LRRC9: variants seen among roughly 807,000 people sequenced by gnomAD.
LRRC9 encodes the protein leucine-rich repeat-containing protein 9.
In LRRC9, 122 loss-of-function variants were observed where a neutral mutation model predicts 63.2. The ratio of observed to expected loss-of-function variants is 1.93; its 90% CI spans 1.67 to 2.24. The LOEUF (loss-of-function observed/expected upper bound fraction) is 2.24, where lower values mean the gene tolerates loss of function less well. Ranked by LOEUF, LRRC9 falls within the 30% of genes most tolerant of loss-of-function variation. LRRC9 has a pLI of 0.00. For synonymous variants in LRRC9, 366 were observed against 213.1 expected, an observed-to-expected ratio of 1.72 and a Z score of -6.25; for missense variants, 1,071 against 627.7, an observed-to-expected ratio of 1.71 and a Z score of -7.55.
In LRRC9 at chr14:59,936,734, A is replaced by G. The variant is rs1890169509; in HGVS notation, c.544-1656A>G. Among the ~76,000 whole-genome samples the G allele has an allele frequency of 6.6e-6, 1 of 152,200 alleles. No individual in the cohort carries two copies. Among genetic ancestry groups the G allele is most frequent in the Admixed American group, 6.6e-5 (1 of 15,262 alleles). ...AACTCTGCTTAGTCCTCCTCCCTGC[A>G]TAGGCTCAGCCCAAGCCTCAGGTCA... On this transcript the variant is annotated intron_variant, in intron 6 of 31. Transcript: ENST00000445360. The surrounding 1 kb of genome is among the most constrained non-coding windows in gnomAD (Gnocchi z 4.2).
At chr14:60,062,036 T>C (rs1299685136) in intron 31 of LRRC9, 1 of 398,720 alleles carries the variant, frequency 2.5e-6, no homozygotes. Context: ...ATGCTGGGAT[T>C]CTGACAAATA....
Position 59,942,802 on chromosome 14 carries a change from A to G in LRRC9, c.727-1787A>G, listed in dbSNP as rs1443874323. ...TCTTTTTTTTTTCTGTCTTTTTGAT[A>G]ATAGCCATTCTAACTAGGTGAGATT... On this transcript the variant is annotated intron_variant, in intron 7 of 31. Transcript: ENST00000445360. The surrounding 1 kb of genome is among the most constrained non-coding windows in gnomAD (Gnocchi z 5.3). 6.6e-6 allele frequency among the ~76,000 whole-genome samples: 1 copy of G among 151,764 alleles called. No individual in the cohort carries two copies.
At chr14:59,999,885 C>G (rs1231270719) in intron 19 of LRRC9, among the ~76,000 whole-genome samples, 1 of 151,886 alleles carries the variant, frequency 6.6e-6, no homozygotes, top group Non-Finnish European at 1.5e-5. Flanking sequence ...TGGGAATTTA[C>G]CCTAAGAAAA....
In LRRC9 at chr14:59,990,708, C is replaced by A. The variant is rs1001098908; in HGVS notation, c.2211+5484C>A. Among the ~76,000 whole-genome samples the A allele has an allele frequency of 2.0e-5, 3 of 152,160 alleles. No individual in the cohort carries two copies. The highest frequency in any genetic ancestry group is 4.4e-5 in the Non-Finnish European group (3 of 68,030). Reference sequence around the variant, plus strand: ...ATTACAGGAGCCACTGTACCAGGCCCCTTCAGACCTTTTTACTGTGGATCC... The same window carrying A: ...ATTACAGGAGCCACTGTACCAGGCCACTTCAGACCTTTTTACTGTGGATCC... On this transcript the variant is annotated intron_variant, in intron 17 of 31. Coordinates refer to ENST00000445360, the Ensembl canonical transcript of LRRC9. This position sits in a 1 kb window ranked among gnomAD's most constrained non-coding sequence, Gnocchi z 4.2.
rs898369920 is a variant in LRRC9 at position 60,055,759 on chromosome 14, G to A, written c.4132-2119G>A. 1.0e-4 allele frequency among the ~76,000 whole-genome samples: 15 copies of A among 149,554 alleles called. 1 individual carries two copies. Among genetic ancestry groups the A allele is most frequent in the Admixed American group, 6.7e-4 (10 of 15,018 alleles). ...AAAAAAAAAAAAACAAAAAAAACTA[G>A]CCAGGCATGATGGCACATGCCTGTA... On this transcript the variant is annotated intron_variant, in intron 30 of 31. Coordinates refer to ENST00000445360, the Ensembl canonical transcript of LRRC9.
chr14:60,032,233 T>A (rs1459328440), intron 29 of LRRC9, among the ~76,000 whole-genome samples, 170 bp downstream of exon 29: 1 of 152,144 alleles, frequency 6.6e-6, no homozygotes. Flanking sequence ...AAACTGTTAT[T>A]GTCATGTATA....
intron 12 of LRRC9, among the ~76,000 whole-genome samples, chr14:59,971,239 A>G (rs1885460209): frequency 6.6e-6 from 1 of 152,058 alleles, no homozygotes; most frequent in Non-Finnish European, 1.5e-5. Context: ...AAATGGTTGT[A>G]GGTGTGCAAC....
chr14:60,010,238 C>A (rs1354842151), intron 23 of LRRC9, among the ~76,000 whole-genome samples: 2 of 152,212 alleles, frequency 1.3e-5, no homozygotes, highest in Non-Finnish European at 2.9e-5. Context: ...TTTCCATACA[C>A]CCACTGAAAT....
chr14:60,053,270 T>C lies in LRRC9; in HGVS notation c.4131+65T>C, dbSNP rs1207077953. The C allele has an allele frequency of 7.9e-5, 51 of 649,348 alleles. No individual in the cohort carries two copies. The highest frequency in any genetic ancestry group is 1.2e-4 in the Non-Finnish European group (44 of 359,148). 40.2% of individuals were successfully genotyped at this position (649,348 alleles called of 1,614,324 possible). ...ATTAATGGTTAGTAAATGAACATTA[T>C]ATCTTTTGATTTAAATGTTTAAACC... is the stretch of plus-strand genomic sequence containing the variant. On this transcript the variant is annotated intron_variant, in intron 30 of 31. Transcript: ENST00000445360. The surrounding 1 kb of genome is among the most constrained non-coding windows in gnomAD (Gnocchi z 4.8).
At chr14:59,985,033 C>T (rs1594942453) in intron 16 of LRRC9, 72 bp from the exon 17 acceptor site, 4 of 484,448 alleles carry the variant, frequency 8.3e-6, no homozygotes, top group South Asian at 7.9e-5. Context: ...AAACATTTTA[C>T]ATATCCACAC....
chr14:59,921,914 T>C (rs936420891), intron 1 of LRRC9, among the ~76,000 whole-genome samples: 2 of 151,762 alleles, frequency 1.3e-5, no homozygotes, highest in African/African-American at 4.8e-5. Flanking sequence ...TGAAACCCTG[T>C]CTCTACTAAA....
At position 59,937,124 on chromosome 14, in the gene LRRC9, G is replaced by A. The variant is rs1890196689; in HGVS notation, c.544-1266G>A. Among the ~76,000 whole-genome samples the A allele has an allele frequency of 4.3e-5, 6 of 138,466 alleles. No individual in the cohort carries two copies. In the Admixed American group the frequency reaches 4.8e-4, roughly 11 times the overall value. The allele number at this position is 138,466 out of a possible 152,430, so 90.8% of individuals were successfully genotyped here. On this transcript the variant is annotated intron_variant, in intron 6 of 31. Coordinates refer to ENST00000445360, the Ensembl canonical transcript of LRRC9. The stretch of plus-strand genomic sequence containing the variant: ...CTGTGTTCTAAGTGCTGAGTGTTGA[G>A]AATACAATGTTAAACAAGACACAAA...
chr14:60,018,236 T>C (rs1021335866), intron 24 of LRRC9, 135 bp from the exon 25 acceptor site: 1 of 609,134 alleles, frequency 1.6e-6, no homozygotes, highest in African/African-American at 1.8e-5. Flanking sequence ...CATTTTACAT[T>C]AAAGTAATTA....
At chr14:60,008,044 A>G in intron 22 of LRRC9, 48 bp from the exon 23 acceptor site, 1 of 557,868 alleles carries the variant, frequency 1.8e-6, no homozygotes, top group Non-Finnish European at 3.2e-6. Context: ...CTCTTACTAG[A>G]GTGCTTTAAA....
At position 59,944,265 on chromosome 14, in the gene LRRC9, T is replaced by C. The variant is rs561141441; in HGVS notation, c.727-324T>C. ...GGAATAATGAGTTATATGTTTGCTC[T>C]AATTGTACTACCTCATTACCTACAC... On this transcript the variant is annotated intron_variant, in intron 7 of 31. Transcript: ENST00000445360. Among the ~76,000 whole-genome samples the C allele has an allele frequency of 2.0e-5, 3 of 152,116 alleles. No homozygotes were observed. The East Asian group carries it at 5.8e-4, about 29-fold the overall frequency.
Position 60,031,949 on chromosome 14 carries a change from T to C in LRRC9, c.3922-46T>C, listed in dbSNP as rs1310088828. 1.5e-6 allele frequency: 1 copy of C among 686,522 alleles called. No individual in the cohort carries two copies. Among genetic ancestry groups the C allele is most frequent in the East Asian group, 2.7e-5 (1 of 37,080 alleles). The allele number at this position is 686,522 out of a possible 1,614,324, so 42.5% of individuals were successfully genotyped here. A position where few individuals can be genotyped will look rare whatever the true frequency, so the allele number is the denominator to read the frequency against. ...CTTCAAATTAGTCTATATTTTAAGA[T>C]GTTGAGTCTAACCAAATAATAACTT... On this transcript the variant is annotated intron_variant, in intron 28 of 31. Transcript: ENST00000445360. This position sits in a 1 kb window ranked among gnomAD's most constrained non-coding sequence, Gnocchi z 4.6.
chr14:59,982,254 T>A (rs1388586797), intron 16 of LRRC9, among the ~76,000 whole-genome samples, 194 bp downstream of exon 16: 1 of 152,256 alleles, frequency 6.6e-6, no homozygotes, highest in Non-Finnish European at 1.5e-5. Context: ...GAACCACATA[T>A]GTAATTTTTA....
In LRRC9 at chr14:60,018,368, C is replaced by G. The variant is rs1183283537; in HGVS notation, c.3318-3C>G. ...TAGCTGTATTTACTTTGTCTAAATT[C>G]AGAACAGTGGATTTGATTCCAGTCG... On this transcript the variant is annotated splice_region_variant and splice_polypyrimidine_tract_variant and intron_variant, in intron 24 of 31. Transcript: ENST00000445360. 1 of 699,852 alleles carries G rather than the reference C, an allele frequency of 1.4e-6. No individual in the cohort carries two copies. Among genetic ancestry groups the G allele is most frequent in the African/African-American group, 1.8e-5 (1 of 57,076 alleles). The allele number at this position is 699,852 out of a possible 1,614,324, so 43.4% of individuals were successfully genotyped here. A position where few individuals can be genotyped will look rare whatever the true frequency, so the allele number is the denominator to read the frequency against.
intron 26 of LRRC9, 78 bp from the exon 27 acceptor site, chr14:60,022,656 C>T: frequency 2.3e-6 from 1 of 443,710 alleles, no homozygotes; most frequent in Non-Finnish European, 4.0e-6. Flanking sequence ...TTATAGTAAA[C>T]ACATACTGAA....
Sources: allele counts gnomAD v4.1 joint callset (sites outside exome capture counted in the v4.1 genomes callset), GRCh38; gene constraint gnomAD v4.1.1; non-coding constraint Gnocchi (gnomAD v3.1); transcripts MANE v1.5; gene names NCBI Gene and HGNC (gene_info 2026-07-23, HGNC 2026-07-21).